The following RPTOR variants were observed in gnomAD, a reference collection of about 807,000 sequenced individuals.
The protein encoded by RPTOR is regulatory associated protein of MTOR complex 1.
A neutral mutation model predicts 169.9 loss-of-function variants in RPTOR; 21 were observed. The observed-to-expected ratio is 0.12, with a 90% confidence interval of 0.09 to 0.18. RPTOR has a LOEUF of 0.18. Ranked by LOEUF, RPTOR falls within the 10% of genes least tolerant of loss-of-function variation. The probability of loss-of-function intolerance (pLI) is 1.00; values close to 1 mark genes in which losing one functional copy is unlikely to be tolerated. For synonymous variants in RPTOR, 732 were observed against 753.2 expected, an observed-to-expected ratio of 0.97 and a Z score of 0.46; for missense variants, 1,133 against 1,855.9, an observed-to-expected ratio of 0.61 and a Z score of 7.16.
intron 2 of RPTOR, among the ~76,000 whole-genome samples, chr17:80,639,219 A>G (rs1056598409): frequency 1.3e-5 from 2 of 151,556 alleles, no homozygotes; most frequent in African/African-American, 4.9e-5. Flanking sequence ...AATGAGTGGC[A>G]GAGTCCTTGA....
At chr17:80,567,531 C>T (rs1016553706) in intron 1 of RPTOR, among the ~76,000 whole-genome samples, 1 of 152,024 alleles carries the variant, frequency 6.6e-6, no homozygotes, top group African/African-American at 2.4e-5. Flanking sequence ...GTGGCTCACG[C>T]CTGTAATCCC....
intron 6 of RPTOR, among the ~76,000 whole-genome samples, chr17:80,787,089 C>T (rs1004800400): frequency 5.9e-5 from 9 of 152,262 alleles, no homozygotes; most frequent in African/African-American, 1.9e-4. Flanking sequence ...CTGTGACCAC[C>T]GCCCTGAGTG....
intron 4 of RPTOR, among the ~76,000 whole-genome samples, chr17:80,717,531 C>T (rs113819480): frequency 6.6e-5 from 10 of 152,196 alleles, no homozygotes; most frequent in East Asian, 5.8e-4. Flanking sequence ...GGCATGCCAC[C>T]GGAGACAGGC....
chr17:80,913,850 C>T (rs1381901386), intron 21 of RPTOR, among the ~76,000 whole-genome samples: 2 of 152,212 alleles, frequency 1.3e-5, no homozygotes, highest in Admixed American at 6.5e-5. Flanking sequence ...CAGCAGTTCT[C>T]ACCTCAGTGG....
At chr17:80,893,528 G>A (rs968151679) in intron 19 of RPTOR, among the ~76,000 whole-genome samples, 179 bp from the exon 20 acceptor site, 3 of 150,124 alleles carry the variant, frequency 2.0e-5, no homozygotes, top group East Asian at 2.0e-4. Flanking sequence ...TGTGTATGTC[G>A]GGTGTGTGTA....
At chr17:80,634,648 G>A in intron 2 of RPTOR, among the ~76,000 whole-genome samples, 1 of 116,746 alleles carries the variant, frequency 8.6e-6, no homozygotes, top group East Asian at 2.7e-4. Context: ...TGTGCATACT[G>A]TATGTGCGTA....
intron 7 of RPTOR, among the ~76,000 whole-genome samples, chr17:80,812,094 G>A (rs1390073305): frequency 6.6e-6 from 1 of 152,234 alleles, no homozygotes; most frequent in African/African-American, 2.4e-5. Flanking sequence ...GGGATTACAG[G>A]CATGAGCCAC....
intron 1 of RPTOR, among the ~76,000 whole-genome samples, chr17:80,552,137 A>G (rs941171725): frequency 1.3e-5 from 2 of 152,226 alleles, no homozygotes; most frequent in African/African-American, 2.4e-5. Context: ...CTTTCTATAC[A>G]GACACAGTAA....
At chr17:80,961,738 G>T (rs879005023) in intron 31 of RPTOR, 1 of 449,924 alleles carries the variant, frequency 2.2e-6, no homozygotes, top group Non-Finnish European at 4.0e-6. Context: ...GGAGGGTTCC[G>T]GGGGGAGTTG....
At chr17:80,622,437 A>C (rs992458046) in intron 1 of RPTOR, among the ~76,000 whole-genome samples, 2 of 152,232 alleles carry the variant, frequency 1.3e-5, no homozygotes, top group African/African-American at 4.8e-5. Context: ...GAGGATGACT[A>C]ATTAAATACA....
intron 6 of RPTOR, among the ~76,000 whole-genome samples, chr17:80,783,181 A>C (rs1430069981): frequency 6.6e-6 from 1 of 152,252 alleles, no homozygotes; most frequent in Admixed American, 6.5e-5. Flanking sequence ...GCATTCTTCG[A>C]AAATAGAAGG....
In RPTOR at chr17:80,963,395, C is replaced by T. The variant is rs370311182; in HGVS notation, c.3939+338C>T. On this transcript the variant is annotated intron_variant, in intron 33 of 33. Coordinates refer to ENST00000306801, the MANE Select transcript of RPTOR (RefSeq NM_020761.3). ...GTCCATCCCTGTGCGGCCCTCACCC[C>T]GTCCCCTGTGCGGCCCTCACCCCGT... Among the ~76,000 whole-genome samples, 68 of 149,816 alleles carry T rather than the reference C, an allele frequency of 4.5e-4. 2 individuals are homozygous for T. In the South Asian group the frequency reaches 8.2e-3, roughly 18 times the overall value.
At chr17:80,788,433 G>T (rs7225553) in intron 6 of RPTOR, among the ~76,000 whole-genome samples, 63 of 152,234 alleles carry the variant, frequency 4.1e-4, no homozygotes, top group African/African-American at 1.4e-3. Context: ...GGGTGACAGA[G>T]TGAGACTCTG....
At chr17:80,749,560 T>C (rs2467395) in intron 5 of RPTOR, among the ~76,000 whole-genome samples, 431 of 66,646 alleles carry the variant, frequency 6.5e-3, no homozygotes, top group East Asian at 0.011. Context: ...GTTTGGAGGC[T>C]GTGGCGGGAG....
chr17:80,724,722 G>A (rs554172992), intron 4 of RPTOR, among the ~76,000 whole-genome samples: 5 of 152,306 alleles, frequency 3.3e-5, no homozygotes, highest in South Asian at 2.1e-4. Flanking sequence ...TCCAGAGGGC[G>A]ACTGTCTGCA....
chr17:80,751,587 C>T (rs1185436625), intron 5 of RPTOR, among the ~76,000 whole-genome samples: 1 of 152,152 alleles, frequency 6.6e-6, no homozygotes, highest in Admixed American at 6.5e-5. Context: ...CATCGCAGCC[C>T]TCGGTGATTA....
chr17:80,950,502 A>AT (rs902818768), intron 28 of RPTOR, among the ~76,000 whole-genome samples: 130 of 146,378 alleles, frequency 8.9e-4, no homozygotes, highest in Non-Finnish European at 1.4e-3. Context: ...CGAACGTTGG[A>AT]TTTTTTTTTT....
chr17:80,655,943 T>C (rs1413762062), intron 3 of RPTOR, among the ~76,000 whole-genome samples: 1 of 152,134 alleles, frequency 6.6e-6, no homozygotes, highest in Non-Finnish European at 1.5e-5. Context: ...CTCACTCAGA[T>C]GCCTTAGAGT....
At position 80,966,117 on chromosome 17, in the gene RPTOR, AC is replaced by A. The variant is rs55752459; in HGVS notation, c.*1796del. 203 of 180,816 alleles carry A rather than the reference AC, an allele frequency of 1.1e-3. No homozygotes were observed. Among genetic ancestry groups the A allele is most frequent in the South Asian group, 1.8e-3 (7 of 3,888 alleles). 11.2% of individuals were successfully genotyped at this position (180,816 alleles called of 1,614,324 possible). A position where few individuals can be genotyped will look rare whatever the true frequency, so the allele number is the denominator to read the frequency against. ...GGCAGGTGGCTCCAGAGGGGTCAAG[AC>A]CCCCCCCCGCCCCCGCTCCACCCTG... is the stretch of plus-strand genomic sequence containing the variant. On this transcript the variant is annotated 3_prime_UTR_variant, in exon 34 of 34. Transcript: ENST00000306801.
Sources: allele counts gnomAD v4.1 joint callset (sites outside exome capture counted in the v4.1 genomes callset), GRCh38; gene constraint gnomAD v4.1.1; transcripts MANE v1.5; gene names NCBI Gene and HGNC (gene_info 2026-07-23, HGNC 2026-07-21).